HIVEP3: variants seen among roughly 807,000 people sequenced by gnomAD.
HIVEP3 encodes the protein HIVEP zinc finger 3.
In HIVEP3, 49 loss-of-function variants were observed where a neutral mutation model predicts 152.8. That is an observed-to-expected ratio of 0.32 (90% CI 0.26 to 0.41). The LOEUF is 0.41. HIVEP3 is among the 10% of genes least tolerant of loss of function. The probability of loss-of-function intolerance (pLI) is 1.00; values close to 1 mark genes in which losing one functional copy is unlikely to be tolerated. For missense variants in HIVEP3, 2,790 were observed against 3,103.3 expected (o/e 0.90, Z 2.40); for synonymous variants, 1,269 against 1,289.0 (o/e 0.98, Z 0.33).
In HIVEP3 at chr1:41,575,635, C is replaced by T; in HGVS notation, c.5116G>A (p.Glu1706Lys). Reference sequence around the variant, plus strand: ...TCCCCTCTCCTCTCTTCTTCCTTCTCCACTCTAGCTAGATCTTTCTGGCCT... The same window carrying T: ...TCCCCTCTCCTCTCTTCTTCCTTCTTCACTCTAGCTAGATCTTTCTGGCCT... ...PEGQKDLARV[E>K]KEEERRGEPE... Residue 1706 changes from glutamate to lysine, a missense_variant, in exon 5 of 9, where the codon GAG becomes AAG. Coordinates refer to ENST00000372583, the MANE Select transcript of HIVEP3 (RefSeq NM_024503.5). 6.2e-7 allele frequency: 1 copy of T among 1,614,190 alleles called. No homozygotes were observed. The highest frequency in any genetic ancestry group is 1.1e-5 in the South Asian group (1 of 91,084).
At chr1:41,548,314 A>G (rs6689668) in intron 5 of HIVEP3, among the ~76,000 whole-genome samples, 3,625 of 152,306 alleles carry the variant, frequency 0.024, 145 homozygotes, top group African/African-American at 0.081. Context: ...AGGGATTCAC[A>G]GGGGCATTAA....
intron 1 of HIVEP3, among the ~76,000 whole-genome samples, chr1:41,760,897 C>T (rs1647628079): frequency 6.6e-6 from 1 of 152,194 alleles, no homozygotes; most frequent in Non-Finnish European, 1.5e-5. Flanking sequence ...ATGGACTCTC[C>T]TCCCATGACC....
chr1:41,563,459 C>A (rs899705692), intron 5 of HIVEP3, among the ~76,000 whole-genome samples: 1 of 152,102 alleles, frequency 6.6e-6, no homozygotes, highest in Admixed American at 6.5e-5. Flanking sequence ...TGACTTTTTC[C>A]TGCGGCTTCC....
At chr1:41,747,494 C>T (rs1647090674) in intron 1 of HIVEP3, among the ~76,000 whole-genome samples, 1 of 152,198 alleles carries the variant, frequency 6.6e-6, no homozygotes. Context: ...ATAGTACATA[C>T]TGTGAAAATT....
At chr1:41,798,195 G>A (rs556517365) in intron 1 of HIVEP3, among the ~76,000 whole-genome samples, 13 of 151,736 alleles carry the variant, frequency 8.6e-5, no homozygotes, top group African/African-American at 2.7e-4. Context: ...TGTAAATGAC[G>A]AGTTAATGGG....
At chr1:41,532,949 C>T (rs1230602443) in intron 5 of HIVEP3, among the ~76,000 whole-genome samples, 1 of 152,096 alleles carries the variant, frequency 6.6e-6, no homozygotes, top group Non-Finnish European at 1.5e-5. Flanking sequence ...GCACCCCAAA[C>T]CCTGCCCTCA....
At chr1:41,734,498 A>G (rs1646887681) in intron 1 of HIVEP3, among the ~76,000 whole-genome samples, 1 of 152,220 alleles carries the variant, frequency 6.6e-6, no homozygotes. Flanking sequence ...GCCACTAAGC[A>G]TTTCACTGAC....
chr1:41,668,874 G>C (rs1196188744), intron 2 of HIVEP3, among the ~76,000 whole-genome samples: 4 of 152,168 alleles, frequency 2.6e-5, no homozygotes, highest in Non-Finnish European at 4.4e-5. Context: ...TAGGTTAGGA[G>C]AGCTCTGGGG....
intron 1 of HIVEP3, among the ~76,000 whole-genome samples, chr1:41,739,376 C>T (rs1646964633): frequency 6.6e-6 from 1 of 152,196 alleles, no homozygotes; most frequent in African/African-American, 2.4e-5. Context: ...CCTAACTTGC[C>T]AGAGAGGGAG....
chr1:41,642,438 C>T (rs190896940), intron 2 of HIVEP3, among the ~76,000 whole-genome samples: 6 of 152,368 alleles, frequency 3.9e-5, no homozygotes, highest in South Asian at 2.1e-4. Context: ...CCCACACCAG[C>T]CTGGGTGAGC....
intron 1 of HIVEP3, among the ~76,000 whole-genome samples, chr1:41,725,251 G>A (rs1160842824): frequency 1.3e-5 from 2 of 152,202 alleles, no homozygotes; most frequent in African/African-American, 4.8e-5. Context: ...ATGCAGACAT[G>A]CAGCTGGGCC....
intron 1 of HIVEP3, among the ~76,000 whole-genome samples, chr1:41,704,213 T>C (rs1423953401): frequency 6.6e-6 from 1 of 152,230 alleles, no homozygotes; most frequent in Non-Finnish European, 1.5e-5. Context: ...ACTTGTTCTG[T>C]GCTAAGCATC....
intron 1 of HIVEP3, among the ~76,000 whole-genome samples, chr1:41,998,402 T>A (rs1355309007): frequency 2.0e-5 from 3 of 152,190 alleles, no homozygotes; most frequent in Non-Finnish European, 4.4e-5. Flanking sequence ...TTTGGCATAT[T>A]TAATCAAATG....
chr1:41,589,555 G>C (rs1167378788), intron 3 of HIVEP3, among the ~76,000 whole-genome samples: 1 of 152,238 alleles, frequency 6.6e-6, no homozygotes, highest in East Asian at 1.9e-4. Flanking sequence ...CATGACCATG[G>C]CCCAGGGTGG....
At chr1:41,739,310 T>C (rs1473297080) in intron 1 of HIVEP3, among the ~76,000 whole-genome samples, 1 of 151,880 alleles carries the variant, frequency 6.6e-6, no homozygotes, top group Non-Finnish European at 1.5e-5. Context: ...TACTTGGAGC[T>C]GGGGGGCATT....
intron 6 of HIVEP3, among the ~76,000 whole-genome samples, chr1:41,521,371 G>GC (rs1034455102): frequency 5.9e-5 from 9 of 152,220 alleles, no homozygotes; most frequent in Non-Finnish European, 1.2e-4. Flanking sequence ...GCACCAGGGA[G>GC]CCCCCCATAG....
chr1:41,913,428 G>C (rs1186571164), intron 1 of HIVEP3, among the ~76,000 whole-genome samples: 1 of 152,080 alleles, frequency 6.6e-6, no homozygotes, highest in Non-Finnish European at 1.5e-5. Context: ...AGACATATTT[G>C]CTCTATTGTC....
At chr1:42,001,897 G>T (rs959486639) in intron 1 of HIVEP3, among the ~76,000 whole-genome samples, 1 of 151,886 alleles carries the variant, frequency 6.6e-6, no homozygotes, top group Admixed American at 6.6e-5. Flanking sequence ...TCCATCAACT[G>T]GGGGGTAGCC....
intron 5 of HIVEP3, among the ~76,000 whole-genome samples, chr1:41,567,537 G>T (rs990431894): frequency 1.3e-5 from 2 of 152,224 alleles, no homozygotes; most frequent in African/African-American, 4.8e-5. Flanking sequence ...AGAAGCCTGA[G>T]AATTAAAGAG....
Sources: allele counts gnomAD v4.1 joint callset (sites outside exome capture counted in the v4.1 genomes callset), GRCh38; gene constraint gnomAD v4.1.1; transcripts MANE v1.5; gene names NCBI Gene and HGNC (gene_info 2026-07-23, HGNC 2026-07-21).